ERBB2: variants seen among roughly 807,000 people sequenced by gnomAD.
ERBB2 encodes erb-b2 receptor tyrosine kinase 2.
Under a neutral mutation model 149.0 loss-of-function variants are expected in ERBB2, and 61 were observed. The observed-to-expected ratio is 0.41, with a 90% confidence interval of 0.33 to 0.51. The LOEUF (loss-of-function observed/expected upper bound fraction) is 0.51, where lower values mean the gene tolerates loss of function less well. Ranked by LOEUF, ERBB2 falls within the 20% of genes least tolerant of loss-of-function variation. The pLI is 0.25. For synonymous variants in ERBB2, 633 were observed against 678.8 expected, an observed-to-expected ratio of 0.93 and a Z score of 1.05; for missense variants, 1,205 against 1,655.1, an observed-to-expected ratio of 0.73 and a Z score of 4.72.
At chr17:39,705,925 G>A (rs1008994259) in intron 1 of ERBB2, among the ~76,000 whole-genome samples, 2 of 152,156 alleles carry the variant, frequency 1.3e-5, no homozygotes, top group Non-Finnish European at 2.9e-5. Flanking sequence ...CCACCCTTCC[G>A]ATCTCCTGGG....
chr17:39,726,168 T>C lies in ERBB2; in HGVS notation c.2872+315T>C, dbSNP rs1304749845. 2.5e-6 allele frequency: 1 copy of C among 398,210 alleles called. No individual in the cohort carries two copies. The highest frequency in any genetic ancestry group is 4.3e-5 in the Admixed American group (1 of 23,060). 24.7% of individuals were successfully genotyped at this position (398,210 alleles called of 1,614,324 possible). ...GGGCAACATAGTGAGATCCTATCTCTACAAAAAATAAAAAAATTATCTGGG... is the reference window on the plus strand; with the variant it reads ...GGGCAACATAGTGAGATCCTATCTCCACAAAAAATAAAAAAATTATCTGGG... On this transcript the variant is annotated intron_variant, in intron 23 of 26. Transcript: ENST00000269571. The surrounding 1 kb of genome is among the most constrained non-coding windows in gnomAD (Gnocchi z 5.1).
At chr17:39,712,644 G>A (rs118072187) in intron 9 of ERBB2, among the ~76,000 whole-genome samples, 196 bp downstream of exon 9, 7 of 152,284 alleles carry the variant, frequency 4.6e-5, no homozygotes, top group Non-Finnish European at 8.8e-5. Flanking sequence ...CATGCTATCC[G>A]TGAACAAGGA....
rs2059596548 is a variant in ERBB2 at position 39,724,064 on chromosome 17, AG to A, written c.2307+56del. ...AGGACAGGAAGGACCCCATGGCTGC[AG>A]GTCTGGGCTCTGGTCTCTCTTCATT... On this transcript the variant is annotated intron_variant, in intron 19 of 26. Coordinates refer to ENST00000269571, the MANE Select transcript of ERBB2 (RefSeq NM_004448.4). 3.1e-6 allele frequency: 4 copies of A among 1,309,792 alleles called. No individual in the cohort carries two copies. The African/African-American group carries it at 4.4e-5, about 14-fold the overall frequency. 81.1% of individuals were successfully genotyped at this position (1,309,792 alleles called of 1,614,324 possible).
At chr17:39,699,688 A>G (rs1362938087), upstream of ERBB2, 2 of 801,278 alleles carry the variant, frequency 2.5e-6, no homozygotes, top group Non-Finnish European at 4.1e-6. Context: ...GGGATGGAGT[A>G]GGATGCAAGC....
chr17:39,719,922 C>T, intron 16 of ERBB2, 88 bp downstream of exon 16: 7 of 1,247,898 alleles, frequency 5.6e-6, no homozygotes, highest in Non-Finnish European at 8.3e-6. Context: ...AGGGGACCCC[C>T]TGACATATGT....
chr17:39,725,011 C>A lies in ERBB2; in HGVS notation c.2494-38C>A, dbSNP rs781182654. The A allele has an allele frequency of 1.2e-6, 2 of 1,612,076 alleles. No individual in the cohort carries two copies. The highest frequency in any genetic ancestry group is 2.2e-5 in the South Asian group (2 of 90,992). ...TGCTGGGCATGTGGCCAGGCCCAGGCCCTCCCAGAAGGTCTACATGGGTGC... is the reference window on the plus strand; with the variant it reads ...TGCTGGGCATGTGGCCAGGCCCAGGACCTCCCAGAAGGTCTACATGGGTGC... On this transcript the variant is annotated intron_variant, in intron 20 of 26. Transcript: ENST00000269571. This position sits in a 1 kb window ranked among gnomAD's most constrained non-coding sequence, Gnocchi z 4.6.
At chr17:39,694,271 GTGTA>G (rs1372284874), upstream of ERBB2, among the ~76,000 whole-genome samples, 186 of 26,650 alleles carry the variant, frequency 7.0e-3, 10 homozygotes, top group African/African-American at 0.018. Flanking sequence ...ATATATATGT[GTGTA>G]TATATATATA....
intron 2 of ERBB2, 85 bp downstream of exon 2, chr17:39,707,226 C>G (rs759390449): frequency 5.8e-6 from 7 of 1,207,676 alleles, no homozygotes; most frequent in African/African-American, 4.8e-5. Context: ...AAGAAGGTGC[C>G]CTGCCCTTCT....
In ERBB2 at chr17:39,716,629, C is replaced by A. The variant is rs773471432; in HGVS notation, c.1737+24C>A. 13 of 1,607,798 alleles carry A rather than the reference C, an allele frequency of 8.1e-6. No homozygotes were observed. The South Asian group carries it at 1.4e-4, about 18-fold the overall frequency. On this transcript the variant is annotated intron_variant, in intron 14 of 26. Transcript: ENST00000269571. ...CGGTGAGCTGCTGGCGGGCTCAGAG[C>A]TGGGTGGAGGGGGGCAGCGAGGGGG...
At chr17:39,706,036 C>T (rs2058413821) in intron 1 of ERBB2, among the ~76,000 whole-genome samples, 2 of 152,230 alleles carry the variant, frequency 1.3e-5, no homozygotes, top group Admixed American at 6.5e-5. Flanking sequence ...GCTGCTACCC[C>T]GGCGCCCCTC....
intron 4 of ERBB2, 84 bp downstream of exon 4, chr17:39,709,536 C>T (rs2145481836): frequency 6.6e-7 from 1 of 1,509,570 alleles, no homozygotes; most frequent in African/African-American, 1.4e-5. Context: ...CCAGTGCCTG[C>T]CCGCCACTGC....
At chr17:39,708,598 C>T in intron 3 of ERBB2, 64 bp downstream of exon 3, 1 of 1,315,214 alleles carries the variant, frequency 7.6e-7, no homozygotes, top group Middle Eastern at 1.9e-4. Context: ...CCACTGCTAA[C>T]CAGGGGGAGG....
chr17:39,724,180 GTT>G (rs1407288910), intron 19 of ERBB2, among the ~76,000 whole-genome samples, 170 bp downstream of exon 19: 1 of 151,556 alleles, frequency 6.6e-6, no homozygotes, highest in Non-Finnish European at 1.5e-5. Context: ...GTGCAGTGGC[GTT>G]ATCTCGGCTC....
At chr17:39,706,396 C>T (rs2058439674) in intron 1 of ERBB2, among the ~76,000 whole-genome samples, 1 of 152,200 alleles carries the variant, frequency 6.6e-6, no homozygotes, top group Admixed American at 6.5e-5. Context: ...TCATGGGGGA[C>T]TCCCAGAGGT....
upstream of ERBB2, among the ~76,000 whole-genome samples, chr17:39,693,577 GC>G (rs1462505183): frequency 6.6e-6 from 1 of 151,658 alleles, no homozygotes; most frequent in Non-Finnish European, 1.5e-5. Context: ...AAACTTCTGG[GC>G]TAAAGCAATC....
intron 2 of ERBB2, 64 bp from the exon 3 acceptor site, chr17:39,708,257 C>T (rs1189867547): frequency 1.5e-6 from 2 of 1,363,850 alleles, no homozygotes; most frequent in Non-Finnish European, 2.1e-6. Flanking sequence ...ACTGGGGAAC[C>T]CCAGGGAGGC....
intron 15 of ERBB2, among the ~76,000 whole-genome samples, chr17:39,718,999 G>A (rs2059303975): frequency 1.3e-5 from 2 of 151,344 alleles, no homozygotes; most frequent in Admixed American, 6.6e-5. Context: ...GGTGGCTCAC[G>A]CCTGTAATCC....
intron 16 of ERBB2, 67 bp downstream of exon 16, chr17:39,719,901 C>T (rs1199954845): frequency 4.7e-6 from 7 of 1,500,690 alleles, no homozygotes; most frequent in Admixed American, 1.7e-5. Context: ...TGGGTGGTCA[C>T]TGCTGTAGGG....
Position 39,725,318 on chromosome 17 carries a change from C to T in ERBB2, c.2650-9C>T, listed in dbSNP as rs762135482. ...CACAGTTGGAGGACTTCCTCTTCTG[C>T]CCTCCCAGGTGCCCATCAAGTGGAT... On this transcript the variant is annotated splice_polypyrimidine_tract_variant and intron_variant, in intron 21 of 26. Transcript: ENST00000269571. The surrounding 1 kb of genome is among the most constrained non-coding windows in gnomAD (Gnocchi z 4.6). 2.5e-6 allele frequency: 4 copies of T among 1,613,754 alleles called. No individual in the cohort carries two copies. Among genetic ancestry groups the T allele is most frequent in the Non-Finnish European group, 3.4e-6 (4 of 1,179,862 alleles).
Sources: allele counts gnomAD v4.1 joint callset (sites outside exome capture counted in the v4.1 genomes callset), GRCh38; gene constraint gnomAD v4.1.1; non-coding constraint Gnocchi (gnomAD v3.1); transcripts MANE v1.5; gene names NCBI Gene and HGNC (gene_info 2026-07-23, HGNC 2026-07-21).